SLC25A16: variants seen among roughly 807,000 people sequenced by gnomAD.
SLC25A16 encodes the protein mitochondrial coenzyme A transporter SLC25A16.
Under a neutral mutation model 41.5 loss-of-function variants are expected in SLC25A16, and 39 were observed. The observed-to-expected ratio is 0.94, with a 90% CI of 0.73 to 1.23. The LOEUF is 1.23. Ranked by LOEUF, SLC25A16 falls within the 50% of genes most tolerant of loss-of-function variation. The pLI is 0.00. For synonymous variants in SLC25A16, 146 were observed against 147.8 expected (o/e 0.99, Z 0.09); for missense variants, 421 against 426.9 (o/e 0.99, Z 0.12).
At chr10:68,519,704 C>G (rs944061814) in intron 1 of SLC25A16, among the ~76,000 whole-genome samples, 1 of 151,748 alleles carries the variant, frequency 6.6e-6, no homozygotes, top group Non-Finnish European at 1.5e-5. Context: ...CATCTGAGGT[C>G]AGGAGTTCGA....
chr10:68,499,325 G>A (rs2052801754), intron 4 of SLC25A16, among the ~76,000 whole-genome samples: 2 of 152,214 alleles, frequency 1.3e-5, no homozygotes, highest in Non-Finnish European at 2.9e-5. Flanking sequence ...ACAACAAGCG[G>A]AACTCAGCTC....
At chr10:68,525,128 G>GT (rs888064622) in intron 1 of SLC25A16, among the ~76,000 whole-genome samples, 12 of 151,624 alleles carry the variant, frequency 7.9e-5, no homozygotes, top group South Asian at 2.1e-4. Flanking sequence ...ATAATGTGAG[G>GT]TTTTTTTTGT....
At chr10:68,515,355 T>G in intron 2 of SLC25A16, among the ~76,000 whole-genome samples, 1 of 39,010 alleles carries the variant, frequency 2.6e-5, no homozygotes. Flanking sequence ...AAACTCCATC[T>G]CCAAAAAAAG....
chr10:68,512,836 G>C (rs553397124), intron 2 of SLC25A16, among the ~76,000 whole-genome samples: 128 of 151,768 alleles, frequency 8.4e-4, no homozygotes, highest in African/African-American at 3.0e-3. Flanking sequence ...TCAGGAGTTC[G>C]AGACCAGCCT....
At position 68,480,989 on chromosome 10, in the gene SLC25A16, T is replaced by A. The variant is rs564431193; in HGVS notation, c.*2443A>T. 1 of 151,942 alleles carries A rather than the reference T, an allele frequency of 6.6e-6. No homozygotes were observed. The highest frequency in any genetic ancestry group is 6.6e-5 in the Admixed American group (1 of 15,204). The allele number at this position is 151,942 out of a possible 1,614,324, so 9.4% of individuals were successfully genotyped here. On this transcript the variant is annotated 3_prime_UTR_variant, in exon 9 of 9. Coordinates refer to ENST00000609923, the MANE Select transcript of SLC25A16 (RefSeq NM_152707.4). ...TTCTTTTATACAGTCTCACTCTGTA[T>A]AAAAGAAATTTTTATACAGGCTTTT...
Position 68,527,523 on chromosome 10 carries a change from C to T in SLC25A16, c.-148G>A. ...CGGCGCGGCGCCGGCTGATGGCGTA[C>T]AGCAAGGGCGGGGCCTGTGTCACGC... is the stretch of plus-strand genomic sequence containing the variant. On this transcript the variant is annotated 5_prime_UTR_variant, in exon 1 of 9. Transcript: ENST00000609923. 2.8e-6 allele frequency: 2 copies of T among 723,616 alleles called. No individual in the cohort carries two copies. The highest frequency in any genetic ancestry group is 4.0e-4 in the Middle Eastern group (1 of 2,472). 44.8% of individuals were successfully genotyped at this position (723,616 alleles called of 1,614,324 possible). A position where few individuals can be genotyped will look rare whatever the true frequency, so the allele number is the denominator to read the frequency against.
chr10:68,493,452 T>C lies in SLC25A16; in HGVS notation c.540A>G (p.Ala180=). The C allele has an allele frequency of 6.2e-7, 1 of 1,612,904 alleles. No homozygotes were observed. Among genetic ancestry groups the C allele is most frequent in the Non-Finnish European group, 8.5e-7 (1 of 1,179,028 alleles). The change falls in exon 5 of 9, where the codon GCA becomes GCG. Residue 180 remains alanine (A), a synonymous_variant. Coordinates refer to ENST00000609923, the MANE Select transcript of SLC25A16 (RefSeq NM_152707.4). ...GIIHAFKTIY[A]KEGGFFGFYR... ...GAGGAAGGTAAATATGAAATACCTT[T>C]GCATAAATTGTTTTGAAAGCATGAA...
chr10:68,499,075 T>C (rs1323698056), intron 4 of SLC25A16, among the ~76,000 whole-genome samples: 1 of 151,910 alleles, frequency 6.6e-6, no homozygotes, highest in Non-Finnish European at 1.5e-5. Context: ...ATGCTGACCC[T>C]CAGAACAACT....
At chr10:68,491,265 G>A (rs2052652922) in intron 6 of SLC25A16, among the ~76,000 whole-genome samples, 2 of 150,704 alleles carry the variant, frequency 1.3e-5, no homozygotes, top group Admixed American at 6.6e-5. Context: ...TTGCTCTTGT[G>A]GCCCAGACTG....
chr10:68,500,452 C>A (rs1383941641), intron 4 of SLC25A16, among the ~76,000 whole-genome samples: 3 of 151,992 alleles, frequency 2.0e-5, no homozygotes, highest in Non-Finnish European at 4.4e-5. Flanking sequence ...GGATTACAGG[C>A]GCCAACCACC....
At chr10:68,508,336 A>T (rs192040307) in intron 2 of SLC25A16, among the ~76,000 whole-genome samples, 2 of 151,960 alleles carry the variant, frequency 1.3e-5, no homozygotes, top group Admixed American at 1.3e-4. Context: ...GTTCATACCA[A>T]TAAAACTGTC....
At chr10:68,489,982 C>G (rs745624305) in intron 6 of SLC25A16, among the ~76,000 whole-genome samples, 6 of 151,598 alleles carry the variant, frequency 4.0e-5, no homozygotes, top group Non-Finnish European at 8.8e-5. Flanking sequence ...ACTGCCGTAG[C>G]CCATGTGGCA....
chr10:68,498,296 G>A (rs764433290), intron 4 of SLC25A16, among the ~76,000 whole-genome samples: 64 of 151,874 alleles, frequency 4.2e-4, no homozygotes, highest in Non-Finnish European at 2.4e-4. Context: ...GAGCTCAAGG[G>A]AGATATTTTT....
rs143993108 is a variant in SLC25A16 at position 68,486,467 on chromosome 10, G to A, written c.842+677C>T. ...TATTGAGATGGAGTCTCACTCTGTC[G>A]CCAAATTGGCTCACTGCAACCTCCA... On this transcript the variant is annotated intron_variant, in intron 8 of 8. Coordinates refer to ENST00000609923, the MANE Select transcript of SLC25A16 (RefSeq NM_152707.4). Among the ~76,000 whole-genome samples, 30 of 150,938 alleles carry A rather than the reference G, an allele frequency of 2.0e-4. No homozygotes were observed. The East Asian group carries it at 3.2e-3, about 16-fold the overall frequency.
At chr10:68,493,358 A>C in intron 5 of SLC25A16, 91 bp downstream of exon 5, 1 of 1,216,362 alleles carries the variant, frequency 8.2e-7, no homozygotes, top group South Asian at 1.3e-5. Context: ...CAATAATTAT[A>C]AGTAAAAGAA....
At chr10:68,526,694 A>C (rs1031058264) in intron 1 of SLC25A16, among the ~76,000 whole-genome samples, 1 of 152,212 alleles carries the variant, frequency 6.6e-6, no homozygotes, top group African/African-American at 2.4e-5. Context: ...AATTCCTAAG[A>C]GACAATATGA....
rs1054238448 is a variant in SLC25A16 at position 68,527,475 on chromosome 10, C to T, written c.-100G>A. ...GGTGACAGGAGGCTGACCGCCCCGC[C>T]GGCGGGGCAAAGTAACACCCGGCGG... On this transcript the variant is annotated 5_prime_UTR_variant, in exon 1 of 9. Coordinates refer to ENST00000609923, the MANE Select transcript of SLC25A16 (RefSeq NM_152707.4). The T allele has an allele frequency of 5.3e-5, 65 of 1,229,948 alleles. No homozygotes were observed. The highest frequency in any genetic ancestry group is 6.7e-5 in the Non-Finnish European group (63 of 936,998). 76.2% of individuals were successfully genotyped at this position (1,229,948 alleles called of 1,614,324 possible).
chr10:68,485,041 A>T (rs2052535319), intron 8 of SLC25A16, among the ~76,000 whole-genome samples: 1 of 152,220 alleles, frequency 6.6e-6, no homozygotes, highest in Non-Finnish European at 1.5e-5. Context: ...AGGTGATAAA[A>T]GTTTAGGTTA....
intron 1 of SLC25A16, among the ~76,000 whole-genome samples, chr10:68,519,058 G>A (rs976522991): frequency 6.6e-6 from 1 of 151,958 alleles, no homozygotes; most frequent in Non-Finnish European, 1.5e-5. Flanking sequence ...TGGGTGTGAT[G>A]ACGTGTGCCT....
Sources: allele counts gnomAD v4.1 joint callset (sites outside exome capture counted in the v4.1 genomes callset), GRCh38; gene constraint gnomAD v4.1.1; transcripts MANE v1.5; gene names NCBI Gene and HGNC (gene_info 2026-07-23, HGNC 2026-07-21).